Variants in CALN1 observed in about 807,000 individuals in gnomAD.
The protein encoded by CALN1 is calcium-binding protein 8.
Under a neutral mutation model 30.6 loss-of-function variants are expected in CALN1, and 17 were observed. That is an observed-to-expected ratio of 0.56 (90% CI 0.38 to 0.83). The LOEUF is 0.83. Among genes scored for constraint, CALN1 ranks in the 40% least tolerant of loss-of-function variants. The pLI, the probability that CALN1 is intolerant of heterozygous loss-of-function variation, is 0.00. For synonymous variants in CALN1, 156 were observed against 131.4 expected, an observed-to-expected ratio of 1.19 and a Z score of -1.28; for missense variants, 291 against 354.9, an observed-to-expected ratio of 0.82 and a Z score of 1.45.
At chr7:72,252,974 C>T (rs1795668315) in intron 3 of CALN1, among the ~76,000 whole-genome samples, 3 of 152,120 alleles carry the variant, frequency 2.0e-5, no homozygotes, top group Admixed American at 2.0e-4. Context: ...TAAAAAACTT[C>T]ACAAAGTTAC....
At chr7:72,050,078 C>G (rs1338556914) in intron 4 of CALN1, among the ~76,000 whole-genome samples, 2 of 152,026 alleles carry the variant, frequency 1.3e-5, no homozygotes, top group Non-Finnish European at 2.9e-5. Context: ...CTCGGCCTCC[C>G]AAAGTGCTGG....
At chr7:72,260,728 T>C (rs942720281) in intron 3 of CALN1, among the ~76,000 whole-genome samples, 5 of 151,916 alleles carry the variant, frequency 3.3e-5, no homozygotes, top group African/African-American at 1.2e-4. Flanking sequence ...CCCACACAGA[T>C]GTAAGAAACA....
chr7:71,902,683 A>G (rs1026615035), intron 5 of CALN1, among the ~76,000 whole-genome samples: 42 of 152,190 alleles, frequency 2.8e-4, no homozygotes, highest in African/African-American at 9.9e-4. Context: ...CTATATGTAT[A>G]AGTTATATTC....
chr7:72,198,346 T>C (rs1240125523), intron 3 of CALN1, among the ~76,000 whole-genome samples: 1 of 152,210 alleles, frequency 6.6e-6, no homozygotes, highest in African/African-American at 2.4e-5. Context: ...ATAATCAATT[T>C]GACATTTGAA....
intron 5 of CALN1, among the ~76,000 whole-genome samples, chr7:71,884,533 C>T (rs748922886): frequency 6.6e-6 from 1 of 151,890 alleles, no homozygotes; most frequent in African/African-American, 2.4e-5. Context: ...ATCGATCTCT[C>T]GGTGGTGGTG....
chr7:72,256,569 T>C (rs897688990), intron 3 of CALN1, among the ~76,000 whole-genome samples: 1 of 151,954 alleles, frequency 6.6e-6, no homozygotes, highest in Non-Finnish European at 1.5e-5. Flanking sequence ...CACATTAAAA[T>C]ATCCTTCACA....
Position 71,846,387 on chromosome 7 carries a change from A to C in CALN1, c.502-35895T>G, listed in dbSNP as rs1006636246. ...GTCCATGGTCATGAAATAATGACAC[A>C]GATTCTTCAGGAGGAAGAAAGGAGC... On this transcript the variant is annotated intron_variant, in intron 5 of 6. Transcript: ENST00000395275. Among the ~76,000 whole-genome samples, 3 of 152,324 alleles carry C rather than the reference A, an allele frequency of 2.0e-5. No individual in the cohort carries two copies. In the East Asian group the frequency reaches 5.8e-4, roughly 29 times the overall value.
intron 5 of CALN1, among the ~76,000 whole-genome samples, chr7:71,939,810 G>T (rs1796030089): frequency 6.6e-6 from 1 of 152,056 alleles, no homozygotes; most frequent in Non-Finnish European, 1.5e-5. Flanking sequence ...GGCCTGGCTG[G>T]CATGGTGCAT....
chr7:71,800,110 C>T (rs1372336486), intron 6 of CALN1, among the ~76,000 whole-genome samples: 1 of 152,208 alleles, frequency 6.6e-6, no homozygotes, highest in Admixed American at 6.5e-5. Flanking sequence ...ACCTGACAGC[C>T]CGACAGGAAC....
At chr7:72,468,563 C>T in the CALN1 span, among the ~76,000 whole-genome samples, 1 of 152,218 alleles carries the variant, frequency 6.6e-6, no homozygotes, top group African/African-American at 2.4e-5. Flanking sequence ...ATCTGCCAGA[C>T]TCAGCCTCCC....
intron 2 of CALN1, among the ~76,000 whole-genome samples, chr7:72,299,891 G>A (rs1799137459): frequency 6.6e-6 from 1 of 150,398 alleles, no homozygotes; most frequent in African/African-American, 2.4e-5. Flanking sequence ...GTTTTGTTTT[G>A]TTTTTTTGTT....
intron 5 of CALN1, among the ~76,000 whole-genome samples, chr7:71,922,931 G>A (rs1308600071): frequency 6.8e-6 from 1 of 146,750 alleles, no homozygotes; most frequent in Non-Finnish European, 1.5e-5. Context: ...TACAATGTGT[G>A]CTTATAGATA....
the CALN1 span, among the ~76,000 whole-genome samples, chr7:72,468,586 T>C: frequency 6.6e-6 from 1 of 152,190 alleles, no homozygotes; most frequent in South Asian, 2.1e-4. Context: ...AGTGCTGGTA[T>C]TAAAGGCATG....
chr7:72,382,268 T>C (rs1016740095), intron 2 of CALN1, among the ~76,000 whole-genome samples: 5 of 152,024 alleles, frequency 3.3e-5, no homozygotes, highest in Non-Finnish European at 7.4e-5. Context: ...AAGACATTCA[T>C]AGGAGAGGGC....
At chr7:71,901,209 C>A (rs1487364625) in intron 5 of CALN1, among the ~76,000 whole-genome samples, 1 of 152,020 alleles carries the variant, frequency 6.6e-6, no homozygotes, top group Non-Finnish European at 1.5e-5. Context: ...ATGCATTTAA[C>A]AAAGGACATG....
At chr7:72,061,627 T>C (rs1027802678) in intron 4 of CALN1, among the ~76,000 whole-genome samples, 1 of 151,830 alleles carries the variant, frequency 6.6e-6, no homozygotes, top group Non-Finnish European at 1.5e-5. Context: ...ATAAAAAATG[T>C]GAGTCTTTCT....
chr7:72,170,541 T>C (rs1052153087), intron 3 of CALN1, among the ~76,000 whole-genome samples: 8 of 152,202 alleles, frequency 5.3e-5, no homozygotes, highest in African/African-American at 1.4e-4. Context: ...AATTTCAACC[T>C]GGACGTTAGG....
At chr7:71,985,228 G>A (rs1178478875) in intron 5 of CALN1, among the ~76,000 whole-genome samples, 1 of 152,134 alleles carries the variant, frequency 6.6e-6, no homozygotes, top group Non-Finnish European at 1.5e-5. Flanking sequence ...AAATCAAAAC[G>A]ACTATGAAAT....
intron 5 of CALN1, among the ~76,000 whole-genome samples, chr7:71,972,425 G>T (rs1323926369): frequency 6.6e-6 from 1 of 152,080 alleles, no homozygotes; most frequent in African/African-American, 2.4e-5. Context: ...TTTTGTTTTA[G>T]TTTATATCTG....
Sources: gnomAD v4.1 joint callset for allele counts (sites outside exome capture counted in the v4.1 genomes callset) on GRCh38, gnomAD v4.1.1 for gene constraint, MANE v1.5 for transcripts, NCBI Gene and HGNC (gene_info 2026-07-23, HGNC 2026-07-21) for gene names.